The following WDFY4 variants were observed in gnomAD, a reference collection of about 807,000 sequenced individuals.
The protein encoded by WDFY4 is WDFY family member 4, also known as WD repeat- and FYVE domain-containing protein 4.
Under a neutral mutation model 351.9 loss-of-function variants are expected in WDFY4, and 169 were observed. That is an observed-to-expected ratio of 0.48 (90% CI 0.42 to 0.55). WDFY4 has a LOEUF of 0.55. Ranked by LOEUF, WDFY4 falls within the 20% of genes least tolerant of loss-of-function variation. The pLI, the probability that WDFY4 is intolerant of heterozygous loss-of-function variation, is 0.00. For synonymous variants in WDFY4, 1,622 were observed against 1,574.6 expected (o/e 1.03, Z -0.71); for missense variants, 3,803 against 3,935.6 (o/e 0.97, Z 0.90).
At chr10:48,804,436 T>C (rs1459497181) in intron 25 of WDFY4, among the ~76,000 whole-genome samples, 1 of 152,120 alleles carries the variant, frequency 6.6e-6, no homozygotes, top group Non-Finnish European at 1.5e-5. Context: ...CCGGGACTTC[T>C]GGGTAGAGGA....
chr10:48,714,704 T>C (rs190089610), intron 2 of WDFY4, among the ~76,000 whole-genome samples: 45 of 152,292 alleles, frequency 3.0e-4, no homozygotes, highest in South Asian at 4.2e-4. Context: ...GCCAATGAGG[T>C]TTATTCATAG....
intron 39 of WDFY4, among the ~76,000 whole-genome samples, chr10:48,849,765 T>A (rs539005884): frequency 6.6e-6 from 1 of 152,366 alleles, no homozygotes; most frequent in Non-Finnish European, 1.5e-5. Context: ...AAATTGACAT[T>A]GTTGCATTAC....
chr10:48,707,437 C>T (rs2132189000), intron 1 of WDFY4, among the ~76,000 whole-genome samples: 1 of 152,274 alleles, frequency 6.6e-6, no homozygotes, highest in South Asian at 2.1e-4. Context: ...CAGAGTCAGT[C>T]ATGAAAGCCC....
chr10:48,874,738 C>T (rs1244695356), intron 41 of WDFY4, among the ~76,000 whole-genome samples: 4 of 152,192 alleles, frequency 2.6e-5, no homozygotes, highest in Non-Finnish European at 5.9e-5. Flanking sequence ...GGTCTCTGGT[C>T]TCTGGGGCTG....
In WDFY4 at chr10:48,725,865, T is replaced by G. The variant is rs2132305508; in HGVS notation, c.592-16T>G. ...CTAACCAGGTCTCCTTGACTGTTTA[T>G]CTTCTTATTTTTCAGATGTTGCTCA... On this transcript the variant is annotated splice_polypyrimidine_tract_variant and intron_variant, in intron 5 of 61. Transcript: ENST00000325239. The G allele has an allele frequency of 1.3e-6, 2 of 1,531,660 alleles. No individual in the cohort carries two copies. The highest frequency in any genetic ancestry group is 3.9e-5 in the Admixed American group (2 of 50,694). 94.9% of individuals were successfully genotyped at this position (1,531,660 alleles called of 1,614,324 possible).
chr10:48,975,754 A>G (rs1449180888), intron 58 of WDFY4, among the ~76,000 whole-genome samples: 2 of 152,034 alleles, frequency 1.3e-5, no homozygotes, highest in Admixed American at 6.6e-5. Flanking sequence ...GCATGGGTGG[A>G]TGAATGGATA....
intron 61 of WDFY4, among the ~76,000 whole-genome samples, chr10:48,982,249 G>A (rs1842840887): frequency 6.6e-6 from 1 of 152,202 alleles, no homozygotes; most frequent in African/African-American, 2.4e-5. Flanking sequence ...AGAGAGGCAC[G>A]GCCTCGTCCT....
chr10:48,776,606 C>T (rs1490683802), intron 15 of WDFY4, 144 bp from the exon 16 acceptor site: 5 of 794,756 alleles, frequency 6.3e-6, no homozygotes, highest in Non-Finnish European at 9.6e-6. Flanking sequence ...GCCAGGGAGC[C>T]ACCCTCGCTG....
intron 57 of WDFY4, among the ~76,000 whole-genome samples, chr10:48,970,987 A>G (rs17009409): frequency 0.039 from 5,902 of 152,222 alleles, 134 homozygotes; most frequent in South Asian, 0.081. Flanking sequence ...ATTTTTTTCT[A>G]TGAAGAAGGA....
At chr10:48,797,919 G>A (rs914642764) in intron 24 of WDFY4, among the ~76,000 whole-genome samples, 16 of 152,124 alleles carry the variant, frequency 1.1e-4, no homozygotes, top group African/African-American at 3.9e-4. Flanking sequence ...ATGTGACTTC[G>A]GTGACAAGAG....
rs1411366806 is a variant in WDFY4 at position 48,731,163 on chromosome 10, A to G, written c.1183A>G (p.Lys395Glu). The G allele has an allele frequency of 6.4e-7, 1 of 1,551,338 alleles. No homozygotes were observed. The highest frequency in any genetic ancestry group is 1.4e-5 in the African/African-American group (1 of 73,058). Reference protein sequence around the residue: ...AFQVLQNVFHKASDSVLCIQV... With the variant: ...AFQVLQNVFHEASDSVLCIQV... ...CCAGGTCCTACAGAATGTTTTCCAC[A>G]AAGCCAGTGACTCTGTCCTCTGCAT... The change falls in exon 9 of 62, where the codon AAA (lysine) becomes GAA (glutamate). Residue 395 changes from lysine (K) to glutamate (E), a missense_variant. By Grantham distance (56) the Lys-to-Glu change is moderately conservative (BLOSUM62 1). Transcript: ENST00000325239.
intron 54 of WDFY4, among the ~76,000 whole-genome samples, chr10:48,964,471 A>G (rs1295884058): frequency 1.3e-5 from 2 of 152,246 alleles, no homozygotes; most frequent in Non-Finnish European, 2.9e-5. Context: ...AGCTCTGGAT[A>G]TAGAGAGTAT....
intron 12 of WDFY4, among the ~76,000 whole-genome samples, chr10:48,752,119 C>G (rs181829205): frequency 2.6e-4 from 39 of 152,288 alleles, no homozygotes; most frequent in Non-Finnish European, 5.6e-4. Flanking sequence ...CCTTGGGATC[C>G]AGAACCTTGT....
intron 44 of WDFY4, among the ~76,000 whole-genome samples, chr10:48,893,842 GAC>G (rs1836938106): frequency 6.6e-6 from 1 of 152,180 alleles, no homozygotes; most frequent in Admixed American, 6.5e-5. Flanking sequence ...TCAGAATATT[GAC>G]AGTTATCCTA....
chr10:48,863,728 C>T (rs186489936), intron 39 of WDFY4, among the ~76,000 whole-genome samples: 8 of 151,774 alleles, frequency 5.3e-5, no homozygotes, highest in African/African-American at 2.4e-5. Context: ...TGTATTAGTC[C>T]GTTTTCATAT....
In WDFY4 at chr10:48,786,730, T is replaced by C. The variant is rs556955770; in HGVS notation, c.3668T>C (p.Val1223Ala). 1.9e-6 allele frequency: 3 copies of C among 1,552,312 alleles called. No homozygotes were observed. The African/African-American group carries it at 4.1e-5, about 21-fold the overall frequency. Residue 1223 changes from valine (V) to alanine (A), a missense_variant, in exon 20 of 62, where the codon GTC becomes GCC. Physicochemically the swap from Val to Ala is moderately conservative, Grantham distance 64 (BLOSUM62 0). Transcript: ENST00000325239. ...DVYGYIATPR[V>A]WKQKSSLIWR... ...TATGGATATATTGCTACTCCTCGAGTCTGGAAACAAAAGTCTTCATTAATC... is the reference window on the plus strand; with the variant it reads ...TATGGATATATTGCTACTCCTCGAGCCTGGAAACAAAAGTCTTCATTAATC...
At chr10:48,870,240 T>G (rs2069712825) in intron 40 of WDFY4, among the ~76,000 whole-genome samples, 1 of 152,184 alleles carries the variant, frequency 6.6e-6, no homozygotes, top group Non-Finnish European at 1.5e-5. Flanking sequence ...TTGCTGTGAT[T>G]CGAAAATCAT....
intron 47 of WDFY4, among the ~76,000 whole-genome samples, chr10:48,936,645 G>A (rs550428271): frequency 1.6e-4 from 24 of 151,876 alleles, no homozygotes; most frequent in East Asian, 5.8e-4. Flanking sequence ...AGACCATCCC[G>A]GCTAACACAG....
intron 13 of WDFY4, among the ~76,000 whole-genome samples, chr10:48,772,108 G>T (rs2065883311): frequency 6.6e-6 from 1 of 152,192 alleles, no homozygotes; most frequent in Admixed American, 6.5e-5. Flanking sequence ...GGGTTCCCTG[G>T]GAGTGGAGCC....
Sources: allele counts gnomAD v4.1 joint callset (sites outside exome capture counted in the v4.1 genomes callset), GRCh38; gene constraint gnomAD v4.1.1; transcripts MANE v1.5; gene names NCBI Gene and HGNC (gene_info 2026-07-23, HGNC 2026-07-21).